Variants in SMARCD1 observed in about 807,000 individuals in gnomAD.
SMARCD1 encodes SWI/SNF related BAF chromatin remodeling complex subunit D1.
A neutral mutation model predicts 70.8 loss-of-function variants in SMARCD1; 16 were observed. That is an observed-to-expected ratio of 0.23 (90% CI 0.15 to 0.34). SMARCD1 has a LOEUF of 0.34. Among genes scored for constraint, SMARCD1 ranks in the 10% least tolerant of loss-of-function variants. SMARCD1 has a pLI of 1.00. For missense variants in SMARCD1, 409 were observed against 655.5 expected, an observed-to-expected ratio of 0.62 and a Z score of 4.11; for synonymous variants, 249 against 246.0, an observed-to-expected ratio of 1.01 and a Z score of -0.11.
At position 50,086,367 on chromosome 12, in the gene SMARCD1, A is replaced by G. The variant is rs1565737783; in HGVS notation, c.365+19A>G. On this transcript the variant is annotated intron_variant, in intron 2 of 12. Transcript: ENST00000394963. ...ACCACAAGTAAGATGATCCTGGGGC[A>G]GAGGGAGGGAGGGAGGGAGCCTGGG... 2.8e-6 allele frequency: 2 copies of G among 709,574 alleles called. No homozygotes were observed. Among genetic ancestry groups the G allele is most frequent in the Admixed American group, 2.0e-5 (1 of 50,204 alleles). 44.0% of individuals were successfully genotyped at this position (709,574 alleles called of 1,614,324 possible).
intron 9 of SMARCD1, 122 bp downstream of exon 9, chr12:50,090,712 A>C (rs1016127900): frequency 1.6e-6 from 1 of 607,202 alleles, no homozygotes; most frequent in African/African-American, 1.9e-5. Context: ...TTACACTGTT[A>C]CTTACAATTA....
Position 50,086,398 on chromosome 12 carries a change from A to G in SMARCD1, c.365+50A>G, listed in dbSNP as rs750211247. Reference sequence around the variant, plus strand: ...AGGGAGGGAGGGAGCCTGGGAGGACACAGGTGGTGGGAGTACCTGAACCAA... The same window carrying G: ...AGGGAGGGAGGGAGCCTGGGAGGACGCAGGTGGTGGGAGTACCTGAACCAA... On this transcript the variant is annotated intron_variant, in intron 2 of 12. Coordinates refer to ENST00000394963, the MANE Select transcript of SMARCD1 (RefSeq NM_003076.5). 2.2e-5 allele frequency: 32 copies of G among 1,431,046 alleles called. No individual in the cohort carries two copies. The South Asian group carries it at 3.7e-4, about 17-fold the overall frequency. 88.6% of individuals were successfully genotyped at this position (1,431,046 alleles called of 1,614,324 possible).
At position 50,086,193 on chromosome 12, in the gene SMARCD1, A is replaced by G; in HGVS notation, c.210A>G (p.Thr70=). Residue 70 remains threonine, a synonymous_variant, in exon 2 of 13, where the codon ACA becomes ACG. Transcript: ENST00000394963. The stretch of plus-strand genomic sequence containing the variant: ...GTATGTTGCCAGGCAGCCGAATGAC[A>G]CCTCAGGGACCTTCCATGGGACCCC... ...RPGMLPGSRM[T]PQGPSMGPPG... is the part of the protein sequence containing the mutation. The G allele has an allele frequency of 6.3e-7, 1 of 1,579,700 alleles. No homozygotes were observed. The highest frequency in any genetic ancestry group is 1.1e-5 in the South Asian group (1 of 87,564).
intron 10 of SMARCD1, among the ~76,000 whole-genome samples, chr12:50,094,801 T>C (rs895602693): frequency 6.6e-6 from 1 of 152,172 alleles, no homozygotes; most frequent in Non-Finnish European, 1.5e-5. Flanking sequence ...TAGTACCTTT[T>C]TTTTCCTTTT....
At chr12:50,094,836 C>G (rs990133763) in intron 10 of SMARCD1, among the ~76,000 whole-genome samples, 1 of 152,178 alleles carries the variant, frequency 6.6e-6, no homozygotes, top group Non-Finnish European at 1.5e-5. Context: ...CTCGCTCTCT[C>G]GCCCAGGCTG....
chr12:50,088,689 TG>T lies in SMARCD1; in HGVS notation c.771+55del, dbSNP rs1407792489. ...GACTCTGATTGGAGGATGATGGACT[TG>T]GGAGCCGTATTTTAATGTCTAAGGA... On this transcript the variant is annotated intron_variant, in intron 6 of 12. Coordinates refer to ENST00000394963, the MANE Select transcript of SMARCD1 (RefSeq NM_003076.5). 2 of 1,015,060 alleles carry T rather than the reference TG, an allele frequency of 2.0e-6. 1 individual carries two copies. The highest frequency in any genetic ancestry group is 2.7e-5 in the South Asian group (2 of 74,412). 62.9% of individuals were successfully genotyped at this position (1,015,060 alleles called of 1,614,324 possible). A position where few individuals can be genotyped will look rare whatever the true frequency, so the allele number is the denominator to read the frequency against.
chr12:50,095,953 C>A (rs921870073), intron 10 of SMARCD1, among the ~76,000 whole-genome samples: 2 of 152,134 alleles, frequency 1.3e-5, no homozygotes, highest in Non-Finnish European at 2.9e-5. Flanking sequence ...GAGATCATTA[C>A]CAGTGGAGGG....
chr12:50,094,319 T>C, intron 9 of SMARCD1, 118 bp from the exon 10 acceptor site: 2 of 978,666 alleles, frequency 2.0e-6, no homozygotes. Flanking sequence ...ACCCGAAAGT[T>C]CTCGGGCCCT....
intron 2 of SMARCD1, 129 bp from the exon 3 acceptor site, chr12:50,086,492 T>TGGTGGTGGTGGTGGTGGC: frequency 9.5e-7 from 1 of 1,049,608 alleles, no homozygotes. Context: ...GTGGTGGTGG[T>TGGTGGTGGTGGTGGTGGC]GGTGGTGGTA....
At position 50,099,664 on chromosome 12, in the gene SMARCD1, C is replaced by T. The variant is rs1592296657; in HGVS notation, c.*664C>T. 9.1e-6 allele frequency: 2 copies of T among 220,446 alleles called. No individual in the cohort carries two copies. The allele number at this position is 220,446 out of a possible 1,614,324, so 13.7% of individuals were successfully genotyped here. On this transcript the variant is annotated 3_prime_UTR_variant, in exon 13 of 13. Coordinates refer to ENST00000394963, the MANE Select transcript of SMARCD1 (RefSeq NM_003076.5). ...TTGGAGTTTTGTTCTTTATTGCTCC[C>T]TCCCAGACACTCCCTGTGGCTGCCC...
rs1224058010 is a variant in SMARCD1 at position 50,099,228 on chromosome 12, C to T, written c.*228C>T. On this transcript the variant is annotated 3_prime_UTR_variant, in exon 13 of 13. Transcript: ENST00000394963. ...TTTGCCCCACAAAGTTCCCATGTGC[C>T]TGTACCCTCCCCTGGTCTACATAGG... 3.3e-6 allele frequency: 2 copies of T among 613,082 alleles called. No homozygotes were observed. Among genetic ancestry groups the T allele is most frequent in the Non-Finnish European group, 5.8e-6 (2 of 344,568 alleles). 38.0% of individuals were successfully genotyped at this position (613,082 alleles called of 1,614,324 possible). A position where few individuals can be genotyped will look rare whatever the true frequency, so the allele number is the denominator to read the frequency against.
At chr12:50,090,769 CAT>C (rs1204328767) in intron 9 of SMARCD1, among the ~76,000 whole-genome samples, 179 bp downstream of exon 9, 1 of 147,880 alleles carries the variant, frequency 6.8e-6, no homozygotes, top group East Asian at 2.0e-4. Flanking sequence ...AAGTGGGTAA[CAT>C]ATATTCAAAA....
At chr12:50,097,679 G>T (rs1565742906) in intron 11 of SMARCD1, among the ~76,000 whole-genome samples, 1 of 151,910 alleles carries the variant, frequency 6.6e-6, no homozygotes, top group South Asian at 2.1e-4. Flanking sequence ...ATCACCTGAG[G>T]TCAGGAGTTT....
intron 1 of SMARCD1, 153 bp downstream of exon 1, chr12:50,085,699 G>T (rs1037751284): frequency 1.2e-5 from 6 of 511,892 alleles, no homozygotes; most frequent in African/African-American, 6.1e-5. Context: ...CAGAAAGAGA[G>T]GGGGAGGCAG....
chr12:50,089,992 TGTG>T lies in SMARCD1; in HGVS notation c.873+14_873+16del, dbSNP rs775711564. On this transcript the variant is annotated splice_region_variant and intron_variant, in intron 7 of 12. Transcript: ENST00000394963. ...ACTGATGCTGGATTACCAGGTATTC[TGTG>T]GTGGTGTGAGGGGGTCCAGCTTTCA... The T allele has an allele frequency of 6.2e-7, 1 of 1,607,480 alleles. No individual in the cohort carries two copies. The highest frequency in any genetic ancestry group is 1.1e-5 in the South Asian group (1 of 90,942).
At chr12:50,088,115 G>A (rs1489025538) in intron 5 of SMARCD1, 1 of 621,466 alleles carries the variant, frequency 1.6e-6, no homozygotes, top group East Asian at 2.8e-5. Context: ...CTCTATATAG[G>A]TCCGGTCCAT....
chr12:50,087,821 TTCCTCTCTGAG>T (rs1465398441), intron 5 of SMARCD1, among the ~76,000 whole-genome samples: 1 of 152,114 alleles, frequency 6.6e-6, no homozygotes, highest in Non-Finnish European at 1.5e-5. Context: ...GAGGCTGTGT[TTCCTCTCTGAG>T]TCCTTGTGGT....
intron 10 of SMARCD1, 147 bp from the exon 11 acceptor site, chr12:50,096,703 G>C: frequency 3.2e-6 from 2 of 630,812 alleles, no homozygotes; most frequent in Non-Finnish European, 5.5e-6. Context: ...AAGGGTCGGA[G>C]CAGTTGGAGC....
intron 10 of SMARCD1, among the ~76,000 whole-genome samples, chr12:50,095,130 G>C (rs1021590269): frequency 3.9e-5 from 6 of 152,158 alleles, no homozygotes; most frequent in African/African-American, 1.4e-4. Context: ...TTGCTATGAC[G>C]ATTAAATGAG....
Sources: allele counts gnomAD v4.1 joint callset (sites outside exome capture counted in the v4.1 genomes callset), GRCh38; gene constraint gnomAD v4.1.1; transcripts MANE v1.5; gene names NCBI Gene and HGNC (gene_info 2026-07-23, HGNC 2026-07-21).